The following LYN variants were observed in gnomAD, a reference collection of about 807,000 sequenced individuals.
LYN encodes the protein tyrosine-protein kinase Lyn.
LYN carries 12 observed loss-of-function variants against 65.0 expected under a neutral mutation model. That is an observed-to-expected ratio of 0.18 (90% CI 0.12 to 0.30). The LOEUF (loss-of-function observed/expected upper bound fraction) is 0.30, where lower values mean the gene tolerates loss of function less well. Ranked by LOEUF, LYN falls within the 10% of genes least tolerant of loss-of-function variation. LYN has a pLI of 1.00. For missense variants in LYN, 380 were observed against 623.2 expected (o/e 0.61, Z 4.16); for synonymous variants, 222 against 221.2 (o/e 1.00, Z -0.03).
At chr8:55,937,137 A>G (rs1426685244) in intron 1 of LYN, among the ~76,000 whole-genome samples, 1 of 152,212 alleles carries the variant, frequency 6.6e-6, no homozygotes, top group African/African-American at 2.4e-5. Flanking sequence ...TGTGAATTGT[A>G]TAGTGTCTTC....
chr8:55,977,727 A>T (rs1004866692), intron 10 of LYN, among the ~76,000 whole-genome samples: 5 of 149,090 alleles, frequency 3.4e-5, no homozygotes, highest in African/African-American at 1.2e-4. Context: ...AGCCTGGGCA[A>T]CACAGTGAGA....
intron 1 of LYN, among the ~76,000 whole-genome samples, chr8:55,888,977 T>G (rs976224775): frequency 6.6e-6 from 1 of 152,170 alleles, no homozygotes; most frequent in African/African-American, 2.4e-5. Context: ...AGATGCCCAA[T>G]GTATGTAACA....
chr8:55,885,474 C>G (rs918811467), intron 1 of LYN, among the ~76,000 whole-genome samples: 5 of 152,186 alleles, frequency 3.3e-5, no homozygotes, highest in Admixed American at 6.5e-5. Flanking sequence ...TTCCAGTCCC[C>G]GCTTTCCTCC....
At chr8:55,969,904 C>G in intron 10 of LYN, 111 bp downstream of exon 10, 1 of 944,894 alleles carries the variant, frequency 1.1e-6, no homozygotes, top group Non-Finnish European at 1.7e-6. Context: ...TGAATGTTTC[C>G]CAGCAGCAGT....
At chr8:55,942,536 C>T (rs1353967841) in intron 2 of LYN, among the ~76,000 whole-genome samples, 1 of 150,848 alleles carries the variant, frequency 6.6e-6, no homozygotes, top group Non-Finnish European at 1.5e-5. Flanking sequence ...CTTGTAATCC[C>T]AGCACTTTGG....
At chr8:55,909,876 T>C (rs1805546975) in intron 1 of LYN, among the ~76,000 whole-genome samples, 1 of 152,228 alleles carries the variant, frequency 6.6e-6, no homozygotes, top group South Asian at 2.1e-4. Context: ...TGATTAGTGA[T>C]GTTGAGGATT....
chr8:55,888,555 T>C lies in LYN; in HGVS notation c.-6+8452T>C, dbSNP rs1373735317. On this transcript the variant is annotated intron_variant, in intron 1 of 12. Transcript: ENST00000519728. ...CTTAATGCTTTGAGTAGGTGGAGAG[T>C]TGAATGACTCAAGGCTACTTCTCTA... Among the ~76,000 whole-genome samples the C allele has an allele frequency of 3.3e-5, 5 of 152,158 alleles. No homozygotes were observed. The South Asian group carries it at 1.0e-3, about 32-fold the overall frequency.
intron 1 of LYN, among the ~76,000 whole-genome samples, chr8:55,930,775 G>T (rs966406545): frequency 6.6e-6 from 1 of 152,170 alleles, no homozygotes; most frequent in Non-Finnish European, 1.5e-5. Flanking sequence ...TCCTCCCCCT[G>T]CTGGCTTCAT....
intron 1 of LYN, among the ~76,000 whole-genome samples, chr8:55,933,419 T>C (rs762655883): frequency 2.6e-5 from 4 of 152,216 alleles, no homozygotes; most frequent in Non-Finnish European, 4.4e-5. Context: ...CCACAATAAG[T>C]ATTCTCTTGT....
intron 1 of LYN, among the ~76,000 whole-genome samples, chr8:55,919,575 G>A (rs1044322418): frequency 1.3e-5 from 2 of 152,102 alleles, no homozygotes; most frequent in African/African-American, 2.4e-5. Context: ...TTAACTATTA[G>A]GCAAATTTAG....
intron 1 of LYN, among the ~76,000 whole-genome samples, chr8:55,916,571 G>A (rs1441698637): frequency 6.6e-6 from 1 of 152,210 alleles, no homozygotes; most frequent in East Asian, 1.9e-4. Context: ...TGGCCAGCCT[G>A]TGTTTGACGA....
intron 10 of LYN, among the ~76,000 whole-genome samples, chr8:55,970,629 A>T (rs1807585486): frequency 6.6e-6 from 1 of 151,812 alleles, no homozygotes; most frequent in South Asian, 2.1e-4. Context: ...CTTCCCTCAC[A>T]CCCTCTTTTA....
At chr8:55,999,355 T>C (rs574735117) in intron 11 of LYN, 63 bp from the exon 12 acceptor site, 1 of 1,436,708 alleles carries the variant, frequency 7.0e-7, no homozygotes, top group African/African-American at 1.4e-5. Flanking sequence ...TGGGGTCACA[T>C]GTTCATGACT....
At chr8:55,959,320 A>T (rs894976972) in intron 8 of LYN, among the ~76,000 whole-genome samples, 3 of 152,144 alleles carry the variant, frequency 2.0e-5, no homozygotes, top group African/African-American at 7.2e-5. Flanking sequence ...TCCCTTTCTC[A>T]CTTTTTAAAT....
At chr8:55,990,376 A>G (rs1585672032) in intron 10 of LYN, among the ~76,000 whole-genome samples, 1 of 152,062 alleles carries the variant, frequency 6.6e-6, no homozygotes, top group Admixed American at 6.6e-5. Context: ...TATCATGTAG[A>G]TGAAGACTTC....
intron 1 of LYN, among the ~76,000 whole-genome samples, chr8:55,887,048 TAAAC>T (rs986559358): frequency 4.6e-5 from 7 of 152,234 alleles, no homozygotes; most frequent in African/African-American, 1.7e-4. Context: ...GGAGGTTTAT[TAAAC>T]AAACACAAAT....
intron 1 of LYN, among the ~76,000 whole-genome samples, chr8:55,931,141 ATATAT>A (rs201708631): frequency 1.3e-3 from 194 of 147,090 alleles, no homozygotes; most frequent in African/African-American, 4.2e-3. Context: ...ATATAATAAA[ATATAT>A]TATATTTTTA....
chr8:55,922,432 T>C (rs113148560), intron 1 of LYN, among the ~76,000 whole-genome samples: 1 of 152,126 alleles, frequency 6.6e-6, no homozygotes, highest in African/African-American at 2.4e-5. Context: ...TGCCAGTGTA[T>C]TAATTTATCT....
intron 10 of LYN, among the ~76,000 whole-genome samples, chr8:55,983,780 T>G (rs1348955049): frequency 6.6e-6 from 1 of 152,176 alleles, no homozygotes; most frequent in Non-Finnish European, 1.5e-5. Flanking sequence ...GGTTAAACCT[T>G]GCAATGTCCC....
Sources: gnomAD v4.1 joint callset for allele counts (sites outside exome capture counted in the v4.1 genomes callset) on GRCh38, gnomAD v4.1.1 for gene constraint, MANE v1.5 for transcripts, NCBI Gene and HGNC (gene_info 2026-07-23, HGNC 2026-07-21) for gene names.